Variants in SHROOM4 observed in about 807,000 individuals in gnomAD.
SHROOM4 encodes protein Shroom4.
A neutral mutation model predicts 80.3 loss-of-function variants in SHROOM4; 17 were observed. The observed-to-expected ratio is 0.21, with a 90% CI of 0.14 to 0.32. SHROOM4 has a LOEUF of 0.32. SHROOM4 is among the 10% of genes least tolerant of loss of function. The probability of loss-of-function intolerance (pLI) is 1.00; values close to 1 mark genes in which losing one functional copy is unlikely to be tolerated. For synonymous variants in SHROOM4, 400 were observed against 437.5 expected, an observed-to-expected ratio of 0.91 and a Z score of 1.07; for missense variants, 993 against 1,140.3, an observed-to-expected ratio of 0.87 and a Z score of 1.86.
chrX:50,600,449 C>T (rs1291454138), intron 7 of SHROOM4, among the ~76,000 whole-genome samples: 2 of 111,603 alleles, frequency 1.8e-5, no homozygotes, highest in African/African-American at 3.3e-5. Flanking sequence ...CCTCTCTGCA[C>T]GTCAATTTCC....
chrX:50,656,772 C>A (rs1205083340), intron 2 of SHROOM4, among the ~76,000 whole-genome samples: 2 of 107,296 alleles, frequency 1.9e-5, no homozygotes, highest in Non-Finnish European at 3.9e-5. Context: ...ATTTTTTATT[C>A]CTGTGAAAAA....
intron 1 of SHROOM4, among the ~76,000 whole-genome samples, chrX:50,794,195 T>C (rs1935912490): frequency 8.9e-6 from 1 of 112,062 alleles, no homozygotes. Flanking sequence ...TAATGATTTA[T>C]AGTCAATGCT....
At chrX:50,761,856 T>C (rs782221082) in intron 1 of SHROOM4, among the ~76,000 whole-genome samples, 5 of 111,998 alleles carry the variant, frequency 4.5e-5, no homozygotes, top group Non-Finnish European at 9.4e-5. Context: ...CCACTGCGCC[T>C]GGCCCACATG....
rs1399638064 is a variant in SHROOM4, at chrX:50,607,901, A to C, written c.3241T>G (p.Phe1081Val). The change falls in exon 6 of 9, where the codon TTT becomes GTT. Residue 1081 changes from phenylalanine to valine, a missense_variant. Phe to Val is a conservative substitution (Grantham distance 50, BLOSUM62 -1). Coordinates refer to ENST00000376020, the MANE Select transcript of SHROOM4 (RefSeq NM_020717.5). ...GACTGGGTCTCATCACCTTTGCTAA[A>C]GAGCTCCCTCCTATGCTGCCCCCAG... is the stretch of plus-strand genomic sequence containing the variant. Reference protein sequence around the residue: ...RAWGQHRRELFSKGDETQSDL... With the variant: ...RAWGQHRRELVSKGDETQSDL... 8.3e-7 allele frequency: 1 copy of C among 1,210,593 alleles called. No individual in the cohort carries two copies. Among genetic ancestry groups the C allele is most frequent in the African/African-American group, 1.7e-5 (1 of 57,710 alleles).
intron 1 of SHROOM4, among the ~76,000 whole-genome samples, chrX:50,750,529 T>G (rs1934892469): frequency 8.9e-6 from 1 of 112,396 alleles, no homozygotes; most frequent in South Asian, 3.7e-4. Flanking sequence ...CCCAAAGTGC[T>G]GGGATTACAG....
intron 1 of SHROOM4, among the ~76,000 whole-genome samples, chrX:50,720,320 C>A (rs1934073867): frequency 8.9e-6 from 1 of 111,756 alleles, no homozygotes; most frequent in African/African-American, 3.3e-5. Flanking sequence ...ATCATTTAGA[C>A]ATGAGGGTGG....
Position 50,587,454 on chromosome X carries a change from A to T in SHROOM4, c.*9241T>A, listed in dbSNP as rs1928780785. The stretch of plus-strand genomic sequence containing the variant: ...GCACTCTCATGTTCACTGAAACATT[A>T]TTCTCTGGTGAAAATTAATGCAAAA... On this transcript the variant is annotated 3_prime_UTR_variant, in exon 9 of 9. Transcript: ENST00000376020. 8.9e-6 allele frequency among the ~76,000 whole-genome samples: 1 copy of T among 112,371 alleles called. No homozygotes were observed. Among genetic ancestry groups the T allele is most frequent in the Admixed American group, 9.4e-5 (1 of 10,625 alleles).
intron 1 of SHROOM4, among the ~76,000 whole-genome samples, chrX:50,765,126 C>T (rs1225027677): frequency 3.6e-5 from 4 of 111,672 alleles, no homozygotes; most frequent in African/African-American, 9.8e-5. Context: ...ATGGGAGCTA[C>T]AATTTAAGAT....
downstream of SHROOM4, among the ~76,000 whole-genome samples, chrX:50,586,693 T>C (rs1557244875): frequency 8.9e-6 from 1 of 112,192 alleles, no homozygotes; most frequent in Admixed American, 9.5e-5. Flanking sequence ...TCAACCTTTC[T>C]GTCTAAACTA....
chrX:50,651,069 A>G (rs370188698), intron 2 of SHROOM4, among the ~76,000 whole-genome samples: 15 of 111,531 alleles, frequency 1.3e-4, no homozygotes, highest in African/African-American at 4.9e-4. Flanking sequence ...TATCAAGGCC[A>G]TGCCCAGTGT....
intron 3 of SHROOM4, 148 bp downstream of exon 3, chrX:50,638,026 C>G: frequency 2.9e-6 from 2 of 687,884 alleles, no homozygotes; most frequent in Non-Finnish European, 4.4e-6. Context: ...AAGAGACTAG[C>G]ACTTGAACTC....
chrX:50,686,105 C>G (rs1933065531), intron 2 of SHROOM4, among the ~76,000 whole-genome samples: 1 of 110,068 alleles, frequency 9.1e-6, no homozygotes, highest in African/African-American at 3.3e-5. Context: ...TCTCGGCTCA[C>G]TGCAAGCTCC....
Position 50,607,933 on chromosome X carries a change from G to A in SHROOM4, c.3209C>T (p.Thr1070Ile), listed in dbSNP as rs781902077. Residue 1070 changes from threonine (T) to isoleucine (I), a missense_variant, in exon 6 of 9, where the codon ACC becomes ATC. By Grantham distance (89) the Thr-to-Ile change is moderately conservative (BLOSUM62 -1). Transcript: ENST00000376020. Reference sequence around the variant, plus strand: ...CCTCCTATGCTGCCCCCAGGCCCGGGTGCTTTGGGGCGCCAAGCTGATGTG... The same window carrying A: ...CCTCCTATGCTGCCCCCAGGCCCGGATGCTTTGGGGCGCCAAGCTGATGTG... ...ESHISLAPQS[T>I]RAWGQHRREL... is the part of the protein sequence containing the mutation. 8.3e-7 allele frequency: 1 copy of A among 1,211,908 alleles called. No homozygotes were observed. Among genetic ancestry groups the A allele is most frequent in the South Asian group, 1.8e-5 (1 of 56,964 alleles).
intron 5 of SHROOM4, among the ~76,000 whole-genome samples, chrX:50,626,652 T>C (rs990850769): frequency 8.9e-6 from 1 of 111,926 alleles, no homozygotes; most frequent in Admixed American, 9.5e-5. Flanking sequence ...TGTGTTTCAA[T>C]TGCGCAATCA....
chrX:50,702,480 CA>C (rs1256776971), intron 1 of SHROOM4, among the ~76,000 whole-genome samples: 15 of 109,396 alleles, frequency 1.4e-4, no homozygotes, highest in South Asian at 3.9e-4. Flanking sequence ...ATACAGCAGT[CA>C]AAAAAAAGCA....
At chrX:50,770,962 T>A (rs782585608) in intron 1 of SHROOM4, among the ~76,000 whole-genome samples, 1 of 111,382 alleles carries the variant, frequency 9.0e-6, no homozygotes, top group African/African-American at 3.3e-5. Flanking sequence ...TACTCAACAA[T>A]GCTTACAATA....
chrX:50,676,988 C>A (rs1215838668), intron 2 of SHROOM4, among the ~76,000 whole-genome samples: 4 of 111,666 alleles, frequency 3.6e-5, no homozygotes, highest in Non-Finnish European at 7.6e-5. Flanking sequence ...GCATCACTTC[C>A]TTAATGAAGC....
intron 1 of SHROOM4, among the ~76,000 whole-genome samples, chrX:50,719,259 A>G (rs1451005450): frequency 1.7e-4 from 19 of 111,732 alleles, no homozygotes; most frequent in African/African-American, 6.2e-4. Context: ...TAGTGACTCT[A>G]CGACTAAGAT....
At chrX:50,706,826 T>A (rs1389135468) in intron 1 of SHROOM4, among the ~76,000 whole-genome samples, 1 of 111,869 alleles carries the variant, frequency 8.9e-6, no homozygotes, top group Non-Finnish European at 1.9e-5. Context: ...TGTTAGACTC[T>A]CAATTTAGTG....
Sources: gnomAD v4.1 joint callset for allele counts (sites outside exome capture counted in the v4.1 genomes callset) on GRCh38, gnomAD v4.1.1 for gene constraint, MANE v1.5 for transcripts, NCBI Gene and HGNC (gene_info 2026-07-23, HGNC 2026-07-21) for gene names.